Variants in DNER observed in about 807,000 individuals in gnomAD.
The protein encoded by DNER is delta and Notch-like epidermal growth factor-related receptor.
DNER carries 33 observed loss-of-function variants against 78.2 expected under a neutral mutation model. The observed-to-expected ratio is 0.42, with a 90% CI of 0.32 to 0.56. DNER has a LOEUF of 0.56. Among genes scored for constraint, DNER ranks in the 20% least tolerant of loss-of-function variants. The probability of loss-of-function intolerance (pLI) is 0.11; values close to 1 mark genes in which losing one functional copy is unlikely to be tolerated. For synonymous variants in DNER, 417 were observed against 384.8 expected (o/e 1.08, Z -0.98); for missense variants, 918 against 975.3 (o/e 0.94, Z 0.78).
intron 1 of DNER, among the ~76,000 whole-genome samples, chr2:229,595,458 T>C (rs1047589671): frequency 1.3e-5 from 2 of 150,188 alleles, no homozygotes; most frequent in Admixed American, 6.6e-5. Flanking sequence ...ATTTTTGTAT[T>C]TTTGTTAGAG....
chr2:229,641,874 T>C (rs905848575), intron 1 of DNER, among the ~76,000 whole-genome samples: 5 of 152,038 alleles, frequency 3.3e-5, no homozygotes, highest in African/African-American at 1.2e-4. Flanking sequence ...TCTGGTGGAA[T>C]ACTGATTTTT....
intron 1 of DNER, among the ~76,000 whole-genome samples, chr2:229,613,025 G>T (rs192444498): frequency 2.6e-5 from 4 of 152,200 alleles, no homozygotes; most frequent in Non-Finnish European, 5.9e-5. Context: ...AATCGCACTT[G>T]CATCCTCATT....
chr2:229,547,487 AGC>A, intron 4 of DNER, among the ~76,000 whole-genome samples: 1 of 152,106 alleles, frequency 6.6e-6, no homozygotes, highest in East Asian at 1.9e-4. Context: ...TCTACCAGGG[AGC>A]AGCTTACCTG....
intron 11 of DNER, among the ~76,000 whole-genome samples, chr2:229,379,281 T>C (rs1163184091): frequency 6.6e-6 from 1 of 152,064 alleles, no homozygotes; most frequent in Non-Finnish European, 1.5e-5. Context: ...TTATTTAGTG[T>C]CTACTGAACA....
chr2:229,469,382 G>T (rs1274998459), intron 7 of DNER, among the ~76,000 whole-genome samples: 2 of 152,178 alleles, frequency 1.3e-5, no homozygotes, highest in African/African-American at 2.4e-5. Context: ...CAGCTGTTGT[G>T]CAGATTAAGT....
At chr2:229,668,532 GTGTGTATATATA>G (rs1185721753) in intron 1 of DNER, among the ~76,000 whole-genome samples, 18 of 3,422 alleles carry the variant, frequency 5.3e-3, no homozygotes, top group African/African-American at 6.2e-3. Context: ...GTGTGTGTGT[GTGTGTATATATA>G]TATATATATA....
chr2:229,574,380 T>C (rs535810992), intron 4 of DNER, among the ~76,000 whole-genome samples: 2 of 152,306 alleles, frequency 1.3e-5, no homozygotes, highest in Admixed American at 1.3e-4. Context: ...TAATAAATTA[T>C]AGTACATTGA....
intron 7 of DNER, among the ~76,000 whole-genome samples, chr2:229,470,274 A>G (rs749517095): frequency 6.6e-6 from 1 of 152,158 alleles, no homozygotes; most frequent in Non-Finnish European, 1.5e-5. Flanking sequence ...TCATTCATTC[A>G]TTCATCAAAC....
At chr2:229,588,336 A>G in intron 3 of DNER, 58 bp downstream of exon 3, 1 of 1,541,802 alleles carries the variant, frequency 6.5e-7, no homozygotes, top group Non-Finnish European at 8.9e-7. Flanking sequence ...GATGGACACA[A>G]CCCCACTTAT....
intron 1 of DNER, among the ~76,000 whole-genome samples, chr2:229,636,656 C>T (rs538855573): frequency 1.3e-5 from 2 of 152,338 alleles, no homozygotes; most frequent in South Asian, 4.1e-4. Flanking sequence ...AGTCATGTTG[C>T]ATCAGTACAG....
At chr2:229,495,121 C>A (rs1323916491) in intron 6 of DNER, among the ~76,000 whole-genome samples, 2 of 152,194 alleles carry the variant, frequency 1.3e-5, no homozygotes, top group Admixed American at 1.3e-4. Flanking sequence ...CTTTTCAATG[C>A]ATCTCTCTCC....
At chr2:229,619,870 A>G (rs1698224629) in intron 1 of DNER, among the ~76,000 whole-genome samples, 1 of 152,218 alleles carries the variant, frequency 6.6e-6, no homozygotes. Flanking sequence ...CTAGTTGGAT[A>G]ATGTTTACAT....
Position 229,692,211 on chromosome 2 carries a change from A to G in DNER, c.276+21937T>C, listed in dbSNP as rs113397512. Among the ~76,000 whole-genome samples the G allele has an allele frequency of 3.8e-3, 574 of 152,356 alleles. 3 individuals are homozygous for G. The highest frequency in any genetic ancestry group is 6.2e-3 in the Non-Finnish European group (424 of 68,032). On this transcript the variant is annotated intron_variant, in intron 1 of 12. Transcript: ENST00000341772. ...CTGACTAATACATACAATGTAGAAG[A>G]ACCCTGATCTGACCTGGTCTTCAAA...
chr2:229,442,927 A>C (rs1574845406), intron 8 of DNER, among the ~76,000 whole-genome samples: 1 of 152,266 alleles, frequency 6.6e-6, no homozygotes, highest in Middle Eastern at 3.4e-3. Context: ...ACTTGGAAAA[A>C]GTCTACATTT....
intron 11 of DNER, among the ~76,000 whole-genome samples, chr2:229,387,576 GAA>G (rs1379075136): frequency 6.7e-6 from 1 of 150,022 alleles, no homozygotes; most frequent in Non-Finnish European, 1.5e-5. Context: ...AGAAAAGAAA[GAA>G]GGAAGGAAGG....
At chr2:229,682,459 T>A (rs985661704) in intron 1 of DNER, among the ~76,000 whole-genome samples, 1 of 152,224 alleles carries the variant, frequency 6.6e-6, no homozygotes, top group Non-Finnish European at 1.5e-5. Context: ...CCACTGATCC[T>A]GCTTCTTATT....
At chr2:229,577,079 C>G (rs1243246784) in intron 4 of DNER, among the ~76,000 whole-genome samples, 8 of 152,026 alleles carry the variant, frequency 5.3e-5, no homozygotes, top group Admixed American at 5.2e-4. Flanking sequence ...GACTTTATGC[C>G]TAAGGAAATC....
intron 1 of DNER, among the ~76,000 whole-genome samples, chr2:229,683,720 A>G (rs955220290): frequency 6.6e-5 from 10 of 152,128 alleles, no homozygotes; most frequent in Non-Finnish European, 1.3e-4. Flanking sequence ...AGGCACTCAT[A>G]CTAAGTACTT....
At chr2:229,663,101 C>A in intron 1 of DNER, among the ~76,000 whole-genome samples, 1 of 152,148 alleles carries the variant, frequency 6.6e-6, no homozygotes, top group South Asian at 2.1e-4. Flanking sequence ...TTAGAGCACC[C>A]TTCAATTACT....
Sources: gnomAD v4.1 joint callset for allele counts (sites outside exome capture counted in the v4.1 genomes callset) on GRCh38, gnomAD v4.1.1 for gene constraint, MANE v1.5 for transcripts, NCBI Gene and HGNC (gene_info 2026-07-23, HGNC 2026-07-21) for gene names.